The following ELL2 variants were observed in gnomAD, a reference collection of about 807,000 sequenced individuals.
ELL2 encodes the protein RNA polymerase II elongation factor ELL2.
A neutral mutation model predicts 72.8 loss-of-function variants in ELL2; 21 were observed. The ratio of observed to expected loss-of-function variants is 0.29; its 90% CI spans 0.20 to 0.42. The LOEUF is 0.42. ELL2 is among the 10% of genes least tolerant of loss of function. The probability of loss-of-function intolerance (pLI) is 1.00; values close to 1 mark genes in which losing one functional copy is unlikely to be tolerated. For missense variants in ELL2, 568 were observed against 772.8 expected (o/e 0.73, Z 3.14); for synonymous variants, 266 against 283.2 (o/e 0.94, Z 0.61).
chr5:95,925,814 C>T (rs1750260707), intron 2 of ELL2, among the ~76,000 whole-genome samples: 1 of 152,140 alleles, frequency 6.6e-6, no homozygotes, highest in South Asian at 2.1e-4. Flanking sequence ...AACCCACCTC[C>T]CCTCCGGCAT....
rs35628427 is a variant in ELL2, at chr5:95,903,208, C to CTTTT, written c.742-2132_742-2129dup. Reference sequence around the variant, plus strand: ...TCCTGGTTTCCGCCTCTCTTAGGACCTTTTTTTTTTTTTTTTTTTTTTTTT... The same window carrying CTTTT: ...TCCTGGTTTCCGCCTCTCTTAGGACCTTTTTTTTTTTTTTTTTTTTTTTTTTTTT... On this transcript the variant is annotated intron_variant, in intron 5 of 11. Transcript: ENST00000237853. Among the ~76,000 whole-genome samples, 6 of 56,216 alleles carry CTTTT rather than the reference C, an allele frequency of 1.1e-4. 1 individual carries two copies. Among genetic ancestry groups the CTTTT allele is most frequent in the East Asian group, 7.6e-4 (1 of 1,316 alleles). The allele number at this position is 56,216 out of a possible 152,430, so 36.9% of individuals were successfully genotyped here. A position where few individuals can be genotyped will look rare whatever the true frequency, so the allele number is the denominator to read the frequency against.
intron 1 of ELL2, among the ~76,000 whole-genome samples, chr5:95,960,776 G>T (rs1290064399): frequency 1.3e-5 from 2 of 152,098 alleles, no homozygotes; most frequent in Non-Finnish European, 2.9e-5. Flanking sequence ...TCTCTCCCCA[G>T]GGCACTGTGT....
intron 2 of ELL2, among the ~76,000 whole-genome samples, chr5:95,925,083 C>T (rs1580510516): frequency 1.3e-5 from 2 of 152,170 alleles, no homozygotes; most frequent in Non-Finnish European, 1.5e-5. Flanking sequence ...TTGAGGTATA[C>T]ATTAGATTAA....
Position 95,919,555 on chromosome 5 carries a change from G to C in ELL2, c.196-10C>G. On this transcript the variant is annotated splice_polypyrimidine_tract_variant and intron_variant, in intron 2 of 11. Transcript: ENST00000237853. ...TGGGAATTTTGACAAGCTAAAATGA[G>C]GGGAAAAGAGAGAAACGCCTCAAAT... 1 of 1,547,772 alleles carries C rather than the reference G, an allele frequency of 6.5e-7. No individual in the cohort carries two copies. The highest frequency in any genetic ancestry group is 8.6e-7 in the Non-Finnish European group (1 of 1,156,440).
At chr5:95,904,826 TTTAGGTATA>T (rs1749293591) in intron 5 of ELL2, among the ~76,000 whole-genome samples, 2 of 152,190 alleles carry the variant, frequency 1.3e-5, no homozygotes, top group Admixed American at 1.3e-4. Flanking sequence ...GGAAAGGGAA[TTTAGGTATA>T]ATTGGTTTAT....
intron 5 of ELL2, among the ~76,000 whole-genome samples, chr5:95,904,574 C>T (rs895060826): frequency 1.3e-5 from 2 of 152,218 alleles, no homozygotes; most frequent in African/African-American, 2.4e-5. Flanking sequence ...ATAATGTCCA[C>T]AGGGTTCTGA....
At chr5:95,961,513 G>T in intron 1 of ELL2, 62 bp downstream of exon 1, 1 of 1,392,604 alleles carries the variant, frequency 7.2e-7, no homozygotes, top group Non-Finnish European at 9.4e-7. Context: ...ACCCGGGCGC[G>T]GCCAGGCCGT....
rs116167102 is a variant in ELL2 at position 95,889,246 on chromosome 5, T to C, written c.1762-116A>G. ...GAAATATTGACTGTGGGAATGTAACTTGAAACAATCTTTATGGAAGGCAAT... is the reference window on the plus strand; with the variant it reads ...GAAATATTGACTGTGGGAATGTAACCTGAAACAATCTTTATGGAAGGCAAT... On this transcript the variant is annotated intron_variant, in intron 10 of 11. Coordinates refer to ENST00000237853, the MANE Select transcript of ELL2 (RefSeq NM_012081.6). The C allele has an allele frequency of 1.9e-3, 1,570 of 847,866 alleles. 16 individuals carry two copies. In the African/African-American group the frequency reaches 0.025, roughly 13 times the overall value. The allele number at this position is 847,866 out of a possible 1,614,324, so 52.5% of individuals were successfully genotyped here. A position where few individuals can be genotyped will look rare whatever the true frequency, so the allele number is the denominator to read the frequency against.
rs868481975 is a variant in ELL2 at position 95,927,686 on chromosome 5, C to T, written c.196-8141G>A. ...ACGTGTGTATATAGACATACACACA[C>T]ACGTGTGTATATAGACATACACACA... On this transcript the variant is annotated intron_variant, in intron 2 of 11. Transcript: ENST00000237853. 2.0e-4 allele frequency among the ~76,000 whole-genome samples: 11 copies of T among 54,416 alleles called. 2 individuals carry two copies. Among genetic ancestry groups the T allele is most frequent in the Non-Finnish European group, 2.8e-4 (9 of 31,676 alleles). 35.7% of individuals were successfully genotyped at this position (54,416 alleles called of 152,430 possible). A position where few individuals can be genotyped will look rare whatever the true frequency, so the allele number is the denominator to read the frequency against.
At chr5:95,931,066 A>G (rs1750581815) in intron 2 of ELL2, among the ~76,000 whole-genome samples, 1 of 151,902 alleles carries the variant, frequency 6.6e-6, no homozygotes, top group African/African-American at 2.4e-5. Context: ...GTTTGAGAAG[A>G]AAGTGAAAAC....
At chr5:95,916,547 G>A (rs559873442) in intron 3 of ELL2, among the ~76,000 whole-genome samples, 45 of 152,232 alleles carry the variant, frequency 3.0e-4, no homozygotes, top group African/African-American at 1.1e-3. Flanking sequence ...CTGGCAACAA[G>A]TCCAGAATAA....
chr5:95,940,142 C>T (rs1304747117), intron 2 of ELL2, among the ~76,000 whole-genome samples: 2 of 152,116 alleles, frequency 1.3e-5, no homozygotes, highest in Non-Finnish European at 2.9e-5. Flanking sequence ...CTTCAATGAC[C>T]ATCTAATTTT....
chr5:95,918,079 AG>A (rs1749894148), intron 3 of ELL2, among the ~76,000 whole-genome samples: 1 of 152,218 alleles, frequency 6.6e-6, no homozygotes, highest in African/African-American at 2.4e-5. Context: ...TGTGAAATGA[AG>A]GGATTGACTC....
intron 2 of ELL2, among the ~76,000 whole-genome samples, chr5:95,941,926 G>A (rs1482525050): frequency 1.3e-5 from 2 of 152,308 alleles, no homozygotes; most frequent in East Asian, 3.9e-4. Flanking sequence ...ACTTATTCCA[G>A]TTAGGATCCC....
At chr5:95,937,430 GC>G (rs759440042) in intron 2 of ELL2, among the ~76,000 whole-genome samples, 17 of 151,634 alleles carry the variant, frequency 1.1e-4, no homozygotes, top group Non-Finnish European at 2.4e-4. Context: ...CCCAGGGGCA[GC>G]CCATCTCCTG....
intron 2 of ELL2, among the ~76,000 whole-genome samples, chr5:95,937,983 A>G (rs1018246951): frequency 2.6e-5 from 4 of 152,226 alleles, no homozygotes; most frequent in African/African-American, 7.2e-5. Context: ...CAAGTAGGGT[A>G]GGGAAGGACA....
chr5:95,886,206 T>C lies in ELL2; in HGVS notation c.*2665A>G, dbSNP rs1431332405. 6.6e-6 allele frequency: 1 copy of C among 152,200 alleles called. No homozygotes were observed. Among genetic ancestry groups the C allele is most frequent in the Admixed American group, 6.5e-5 (1 of 15,278 alleles). 9.4% of individuals were successfully genotyped at this position (152,200 alleles called of 1,614,324 possible). On this transcript the variant is annotated 3_prime_UTR_variant, in exon 12 of 12. Transcript: ENST00000237853. The stretch of plus-strand genomic sequence containing the variant: ...TTCCTGTAGTAATCATTTGTAAGAA[T>C]CTAAAAGTCTTGCAGTAGGGGACGA...
rs201506781 is a variant in ELL2 at position 95,898,446 on chromosome 5, G to C, written c.1319C>G (p.Pro440Arg). 1.8e-5 allele frequency: 29 copies of C among 1,613,586 alleles called. 1 individual carries two copies. The Admixed American group carries it at 3.3e-4, about 19-fold the overall frequency. Residue 440 changes from proline (P) to arginine (R), a missense_variant, in exon 8 of 12, where the codon CCT becomes CGT. By Grantham distance (103) the Pro-to-Arg change is moderately radical. Coordinates refer to ENST00000237853, the MANE Select transcript of ELL2 (RefSeq NM_012081.6). ...TGGACACTTTAGTAGAACGGAACCA[G>C]GGGGTAAGGTTTCCAGAGAAGTCCT... ...TSRTSLETLPPGSVLLKCPKP... is the reference protein window; with the variant it reads ...TSRTSLETLPRGSVLLKCPKP...
At chr5:95,901,150 T>A in intron 5 of ELL2, 70 bp from the exon 6 acceptor site, 1 of 1,483,544 alleles carries the variant, frequency 6.7e-7, no homozygotes, top group South Asian at 1.4e-5. Context: ...ACAGGCAACC[T>A]TTAGGATTTA....
Sources: gnomAD v4.1 joint callset for allele counts (sites outside exome capture counted in the v4.1 genomes callset) on GRCh38, gnomAD v4.1.1 for gene constraint, MANE v1.5 for transcripts, NCBI Gene and HGNC (gene_info 2026-07-23, HGNC 2026-07-21) for gene names.